The following KCNN3 variants were observed in gnomAD, a reference collection of about 807,000 sequenced individuals.
KCNN3 encodes small conductance calcium-activated potassium channel protein 3.
Under a neutral mutation model 62.9 loss-of-function variants are expected in KCNN3, and 16 were observed. The ratio of observed to expected loss-of-function variants is 0.25; its 90% confidence interval spans 0.17 to 0.39. KCNN3 has a LOEUF of 0.39. KCNN3 is among the 10% of genes least tolerant of loss of function. The probability of loss-of-function intolerance (pLI) is 1.00; values close to 1 mark genes in which losing one functional copy is unlikely to be tolerated. For missense variants in KCNN3, 599 were observed against 949.4 expected (o/e 0.63, Z 4.85); for synonymous variants, 370 against 389.2 (o/e 0.95, Z 0.58).
intron 2 of KCNN3, among the ~76,000 whole-genome samples, chr1:154,776,727 T>C (rs1648806074): frequency 6.6e-6 from 1 of 152,226 alleles, no homozygotes; most frequent in South Asian, 2.1e-4. Context: ...TTGATTTGCA[T>C]GTGTGAGGTT....
intron 2 of KCNN3, among the ~76,000 whole-genome samples, chr1:154,799,725 C>T (rs1649874971): frequency 6.6e-6 from 1 of 152,212 alleles, no homozygotes; most frequent in East Asian, 1.9e-4. Flanking sequence ...GACCTGTGCC[C>T]CTACAGCGGA....
intron 1 of KCNN3, among the ~76,000 whole-genome samples, chr1:154,856,384 C>T (rs1652528975): frequency 6.6e-6 from 1 of 152,190 alleles, no homozygotes; most frequent in Non-Finnish European, 1.5e-5. Flanking sequence ...TGCCAACATG[C>T]ACCATCGATG....
At chr1:154,849,120 G>A (rs1023250647) in intron 1 of KCNN3, among the ~76,000 whole-genome samples, 1 of 152,218 alleles carries the variant, frequency 6.6e-6, no homozygotes, top group Non-Finnish European at 1.5e-5. Flanking sequence ...CACCTCAAGA[G>A]GATTCTAGCG....
chr1:154,837,116 T>C (rs1054112401), intron 1 of KCNN3, among the ~76,000 whole-genome samples: 5 of 151,964 alleles, frequency 3.3e-5, no homozygotes, highest in African/African-American at 1.2e-4. Context: ...TTTTTTTTTT[T>C]TGAGACAGAG....
chr1:154,866,737 A>G (rs1243517358), intron 1 of KCNN3, among the ~76,000 whole-genome samples: 2 of 152,236 alleles, frequency 1.3e-5, no homozygotes, highest in East Asian at 3.8e-4. Flanking sequence ...AGGACCTCTC[A>G]GCTACTGCCC....
At chr1:154,792,238 C>T (rs1012225788) in intron 2 of KCNN3, among the ~76,000 whole-genome samples, 2 of 152,224 alleles carry the variant, frequency 1.3e-5, no homozygotes, top group African/African-American at 2.4e-5. Flanking sequence ...CGGGTCTCCC[C>T]CGTCTGCCAT....
In KCNN3 at chr1:154,862,865, A is replaced by G. The variant is rs1294000545; in HGVS notation, c.933+6167T>C. On this transcript the variant is annotated intron_variant, in intron 1 of 7. Coordinates refer to ENST00000271915, the MANE Select transcript of KCNN3 (RefSeq NM_002249.6). The surrounding 1 kb of genome is among the most constrained non-coding windows in gnomAD (Gnocchi z 4.1). ...CACGGGTCTCAGTGCCATAAACTCA[A>G]TTTTTCTCTTTTAAGGATATGGGCA... Among the ~76,000 whole-genome samples, 1 of 151,854 alleles carries G rather than the reference A, an allele frequency of 6.6e-6. No homozygotes were observed. Among genetic ancestry groups the G allele is most frequent in the African/African-American group, 2.4e-5 (1 of 41,300 alleles).
At chr1:154,761,861 A>G (rs1557962707) in intron 3 of KCNN3, among the ~76,000 whole-genome samples, 1 of 151,884 alleles carries the variant, frequency 6.6e-6, no homozygotes. Context: ...AATTGCTTGA[A>G]CCCGGGAGGT....
intron 2 of KCNN3, among the ~76,000 whole-genome samples, chr1:154,795,481 C>CG (rs1649695087): frequency 6.6e-6 from 1 of 152,144 alleles, no homozygotes; most frequent in African/African-American, 2.4e-5. Flanking sequence ...TCTGGAAGTA[C>CG]GGTGGAAGCT....
intron 5 of KCNN3, among the ~76,000 whole-genome samples, chr1:154,717,208 T>A (rs961010481): frequency 1.3e-5 from 2 of 152,064 alleles, no homozygotes; most frequent in Non-Finnish European, 1.5e-5. Flanking sequence ...ATCAGGGAGG[T>A]GCTAACATTA....
At chr1:154,855,670 C>T (rs141961002) in intron 1 of KCNN3, among the ~76,000 whole-genome samples, 2 of 152,332 alleles carry the variant, frequency 1.3e-5, no homozygotes, top group African/African-American at 2.4e-5. Context: ...CCTAATGACA[C>T]ATTTCTTAGA....
intron 7 of KCNN3, among the ~76,000 whole-genome samples, chr1:154,709,393 T>A (rs1485254462): frequency 6.6e-6 from 1 of 152,160 alleles, no homozygotes; most frequent in Non-Finnish European, 1.5e-5. Context: ...GGGTTTCTGA[T>A]GATCTGCCAG....
chr1:154,776,884 A>G (rs1648813578), intron 2 of KCNN3, among the ~76,000 whole-genome samples: 1 of 152,184 alleles, frequency 6.6e-6, no homozygotes, highest in Admixed American at 6.5e-5. Flanking sequence ...GAGCCCTGGC[A>G]CGGGTGTTCT....
Position 154,869,476 on chromosome 1 carries a change from G to T in KCNN3, c.489C>A (p.His163Gln), listed in dbSNP as rs750750797. ...CCGTGAAGGGGTTGCTGTCCCGCCG[G>T]TGCACCAGGGGGCTGGCCTGTCGGT... ...SRHRQASPLV[H>Q]RRDSNPFTEI... The change falls in exon 1 of 8, where the codon CAC (histidine) becomes CAA (glutamine). Residue 163 changes from histidine to glutamine, a missense_variant. His to Gln is a conservative substitution (Grantham distance 24). This residue lies in a region of KCNN3 where 112 missense variants were observed against 142.9 expected (regional missense o/e 0.78). Coordinates refer to ENST00000271915, the MANE Select transcript of KCNN3 (RefSeq NM_002249.6). The surrounding 1 kb of genome is among the most constrained non-coding windows in gnomAD (Gnocchi z 6.1). 37 of 1,614,120 alleles carry T rather than the reference G, an allele frequency of 2.3e-5. No individual in the cohort carries two copies. The highest frequency in any genetic ancestry group is 1.4e-4 in the South Asian group (13 of 91,072).
chr1:154,849,564 AC>A (rs1241972468), intron 1 of KCNN3, among the ~76,000 whole-genome samples: 2 of 152,214 alleles, frequency 1.3e-5, no homozygotes, highest in Admixed American at 6.5e-5. Flanking sequence ...AGACATGGAG[AC>A]TAGAAACTAA....
chr1:154,859,677 C>A (rs756024556), intron 1 of KCNN3: 2 of 1,613,674 alleles, frequency 1.2e-6, no homozygotes, highest in African/African-American at 1.3e-5. Flanking sequence ...TACTGGGTAA[C>A]CTGGGCAGGG....
intron 5 of KCNN3, among the ~76,000 whole-genome samples, chr1:154,721,116 G>A (rs971336997): frequency 6.6e-6 from 1 of 152,092 alleles, no homozygotes; most frequent in African/African-American, 2.4e-5. Context: ...GAGCTACTTG[G>A]GGCAAGAAAC....
intron 1 of KCNN3, among the ~76,000 whole-genome samples, chr1:154,861,246 C>T (rs1038091434): frequency 2.6e-5 from 4 of 152,156 alleles, no homozygotes; most frequent in Middle Eastern, 3.4e-3. Flanking sequence ...TGAGCCACCG[C>T]GCCTGGCCCC....
chr1:154,708,038 T>G lies in KCNN3; in HGVS notation c.2134A>C (p.Ser712Arg). Residue 712 changes from serine (S) to arginine (R), a missense_variant, in exon 8 of 8, where the codon AGC (serine) becomes CGC (arginine). By Grantham distance (110) the Ser-to-Arg change is moderately radical. Around this residue, in one of 7 missense-constraint regions of KCNN3, gnomAD observed 52 missense variants for 53.3 expected, o/e 0.98. Coordinates refer to ENST00000271915, the MANE Select transcript of KCNN3 (RefSeq NM_002249.6). ...GAGGTGGAGCTGACCCCAATGGGGC[T>G]ATCGGAGATTGGGGTGTGGGTGGTG... is the stretch of plus-strand genomic sequence containing the variant. ...VGTTHTPISD[S>R]PIGVSSTSFP... The G allele has an allele frequency of 6.2e-7, 1 of 1,613,382 alleles. No individual in the cohort carries two copies. Among genetic ancestry groups the G allele is most frequent in the African/African-American group, 1.3e-5 (1 of 75,044 alleles).
Sources: allele counts gnomAD v4.1 joint callset (sites outside exome capture counted in the v4.1 genomes callset), GRCh38; gene constraint gnomAD v4.1.1; regional missense constraint gnomAD v4.1.1; non-coding constraint Gnocchi (gnomAD v3.1); transcripts MANE v1.5; gene names NCBI Gene and HGNC (gene_info 2026-07-23, HGNC 2026-07-21).